PDE8A: variants seen among roughly 807,000 people sequenced by gnomAD.
PDE8A encodes the protein phosphodiesterase 8A.
A neutral mutation model predicts 105.0 loss-of-function variants in PDE8A; 59 were observed. The ratio of observed to expected loss-of-function variants is 0.56; its 90% CI spans 0.46 to 0.70. The LOEUF is 0.70. PDE8A is among the 30% of genes least tolerant of loss of function. PDE8A has a pLI of 0.00. For missense variants in PDE8A, 1,014 were observed against 1,045.9 expected, an observed-to-expected ratio of 0.97 and a Z score of 0.42; for synonymous variants, 355 against 371.9, an observed-to-expected ratio of 0.95 and a Z score of 0.52.
In PDE8A at chr15:85,099,832, G is replaced by A. The variant is rs953670453; in HGVS notation, c.942-183G>A. ...TTACTGAAGTCACTTGTACAGAGAC[G>A]CCAAAGGATGTTTGTGATCTCTTCT... is the stretch of plus-strand genomic sequence containing the variant. On this transcript the variant is annotated intron_variant, in intron 9 of 21. Coordinates refer to ENST00000394553, the MANE Select transcript of PDE8A (RefSeq NM_002605.3). The A allele has an allele frequency of 4.2e-5, 25 of 590,948 alleles. No individual in the cohort carries two copies. In the South Asian group the frequency reaches 4.7e-4, roughly 11 times the overall value. The allele number at this position is 590,948 out of a possible 1,614,324, so 36.6% of individuals were successfully genotyped here. A position where few individuals can be genotyped will look rare whatever the true frequency, so the allele number is the denominator to read the frequency against.
chr15:85,100,521 T>C (rs1011234640), intron 11 of PDE8A, among the ~76,000 whole-genome samples: 2 of 152,368 alleles, frequency 1.3e-5, no homozygotes, highest in East Asian at 3.9e-4. Flanking sequence ...TATCCCACAG[T>C]CCTTTAACAG....
chr15:85,024,585 C>T (rs768497635), intron 1 of PDE8A, among the ~76,000 whole-genome samples: 5 of 151,730 alleles, frequency 3.3e-5, no homozygotes, highest in Admixed American at 1.3e-4. Flanking sequence ...ACTCCTACTG[C>T]GTAGGCTTTT....
intron 1 of PDE8A, among the ~76,000 whole-genome samples, chr15:85,012,955 C>G (rs2080265531): frequency 6.6e-6 from 1 of 152,176 alleles, no homozygotes; most frequent in Non-Finnish European, 1.5e-5. Context: ...TTTGGAGAAC[C>G]TGATCCACTG....
chr15:85,121,475 G>A (rs951415536), intron 18 of PDE8A, among the ~76,000 whole-genome samples: 3 of 152,078 alleles, frequency 2.0e-5, no homozygotes, highest in Admixed American at 6.6e-5. Flanking sequence ...TTCATAGCAC[G>A]TATCACATTT....
At chr15:85,008,326 T>C (rs1303130803) in intron 1 of PDE8A, among the ~76,000 whole-genome samples, 2 of 152,022 alleles carry the variant, frequency 1.3e-5, no homozygotes, top group Non-Finnish European at 2.9e-5. Flanking sequence ...TTTGCTTCAA[T>C]ATATTTTCAG....
intron 1 of PDE8A, among the ~76,000 whole-genome samples, chr15:85,012,436 A>G (rs959892518): frequency 3.3e-5 from 5 of 151,838 alleles, no homozygotes; most frequent in African/African-American, 1.2e-4. Flanking sequence ...TTCTCAGTAA[A>G]CTATCACAAG....
intron 11 of PDE8A, among the ~76,000 whole-genome samples, chr15:85,107,507 T>C (rs2081964287): frequency 6.6e-6 from 1 of 152,174 alleles, no homozygotes. Context: ...ATGACAAATG[T>C]CTGAGCTTGG....
chr15:85,095,624 G>A (rs1172735036), intron 8 of PDE8A, among the ~76,000 whole-genome samples: 3 of 151,998 alleles, frequency 2.0e-5, no homozygotes, highest in Non-Finnish European at 4.4e-5. Flanking sequence ...GATTACAGGC[G>A]TGAGCCACTG....
At chr15:85,016,025 A>G (rs989530176) in intron 1 of PDE8A, among the ~76,000 whole-genome samples, 8 of 152,134 alleles carry the variant, frequency 5.3e-5, no homozygotes, top group Non-Finnish European at 2.9e-5. Flanking sequence ...AATCCCAGCT[A>G]CTTGGGAGGC....
intron 1 of PDE8A, among the ~76,000 whole-genome samples, chr15:85,015,488 T>C (rs967383621): frequency 6.6e-6 from 1 of 152,188 alleles, no homozygotes; most frequent in African/African-American, 2.4e-5. Flanking sequence ...GAGTCATCTT[T>C]TTTGTTTTTT....
At chr15:85,039,184 G>A (rs1168568562) in intron 1 of PDE8A, among the ~76,000 whole-genome samples, 1 of 152,080 alleles carries the variant, frequency 6.6e-6, no homozygotes, top group Non-Finnish European at 1.5e-5. Flanking sequence ...CCATCACTTT[G>A]GGAGGCTGAG....
At chr15:85,006,088 G>C (rs1458559071) in intron 1 of PDE8A, among the ~76,000 whole-genome samples, 1 of 152,042 alleles carries the variant, frequency 6.6e-6, no homozygotes, top group African/African-American at 2.4e-5. Flanking sequence ...TATTCTCTCA[G>C]GAAGGGGAAC....
At chr15:85,018,273 G>A (rs1280586084) in intron 1 of PDE8A, among the ~76,000 whole-genome samples, 3 of 152,148 alleles carry the variant, frequency 2.0e-5, no homozygotes, top group African/African-American at 7.2e-5. Context: ...TAGATAAACT[G>A]TTTCTTACTG....
chr15:85,070,651 C>T (rs763116058), intron 3 of PDE8A, among the ~76,000 whole-genome samples: 1 of 152,128 alleles, frequency 6.6e-6, no homozygotes, highest in African/African-American at 2.4e-5. Flanking sequence ...CACCTCTGCT[C>T]AGTGCTAGAT....
At chr15:85,080,261 C>T (rs2081444180) in intron 5 of PDE8A, among the ~76,000 whole-genome samples, 1 of 152,214 alleles carries the variant, frequency 6.6e-6, no homozygotes, top group Non-Finnish European at 1.5e-5. Context: ...CATACATACA[C>T]ATCAGCACCT....
intron 17 of PDE8A, 164 bp from the exon 18 acceptor site, chr15:85,120,633 T>A: frequency 1.8e-6 from 1 of 568,902 alleles, no homozygotes; most frequent in Non-Finnish European, 3.1e-6. Flanking sequence ...AATATAACTG[T>A]TTCAGGGTGG....
chr15:85,082,885 A>G (rs1354116524), intron 5 of PDE8A, among the ~76,000 whole-genome samples: 1 of 152,254 alleles, frequency 6.6e-6, no homozygotes, highest in Admixed American at 6.5e-5. Context: ...TCTCAGAACT[A>G]TGTAATTCAC....
At chr15:85,109,581 T>C (rs1042667199) in intron 12 of PDE8A, among the ~76,000 whole-genome samples, 1 of 152,246 alleles carries the variant, frequency 6.6e-6, no homozygotes, top group Non-Finnish European at 1.5e-5. Context: ...TTAAAAAGAA[T>C]ATGTAAGTGC....
chr15:85,042,789 A>T (rs2080830529), intron 1 of PDE8A, among the ~76,000 whole-genome samples: 1 of 152,166 alleles, frequency 6.6e-6, no homozygotes, highest in Non-Finnish European at 1.5e-5. Flanking sequence ...CATATCTGTT[A>T]CTCATTTAAT....
Sources: gnomAD v4.1 joint callset for allele counts (sites outside exome capture counted in the v4.1 genomes callset) on GRCh38, gnomAD v4.1.1 for gene constraint, MANE v1.5 for transcripts, NCBI Gene and HGNC (gene_info 2026-07-23, HGNC 2026-07-21) for gene names.